Variants in LSM3 observed in about 807,000 individuals in gnomAD.
LSM3 encodes the protein U6 snRNA-associated Sm-like protein LSm3.
In LSM3, 14 loss-of-function variants were observed where a neutral mutation model predicts 15.4. The observed-to-expected ratio is 0.91, with a 90% CI of 0.60 to 1.42. The LOEUF is 1.42. Among genes scored for constraint, LSM3 ranks in the 40% most tolerant of loss-of-function variants. The pLI is 0.00. For missense variants in LSM3, 88 were observed against 127.9 expected (o/e 0.69, Z 1.50); for synonymous variants, 46 against 45.1 (o/e 1.02, Z -0.08).
intron 3 of LSM3, among the ~76,000 whole-genome samples, chr3:14,190,874 AG>A (rs1415873566): frequency 2.0e-5 from 3 of 152,160 alleles, no homozygotes; most frequent in African/African-American, 7.2e-5. Flanking sequence ...CGGTTTTCAG[AG>A]GGAATGTTTC....
rs1696966256 is a variant in LSM3 at position 14,178,828 on chromosome 3, G to A, written c.-33G>A. ...AGATTGACGTTGCTCTTGTGTTCTC[G>A]CGAGAGGCGGGAAAGGGCGCAGGGT... On this transcript the variant is annotated 5_prime_UTR_variant, in exon 1 of 4. Coordinates refer to ENST00000306024, the MANE Select transcript of LSM3 (RefSeq NM_014463.3). 6.2e-7 allele frequency: 1 copy of A among 1,614,020 alleles called. No individual in the cohort carries two copies. Among genetic ancestry groups the A allele is most frequent in the Non-Finnish European group, 8.5e-7 (1 of 1,179,972 alleles).
intron 3 of LSM3, among the ~76,000 whole-genome samples, chr3:14,184,947 C>T (rs1320031858): frequency 6.6e-6 from 1 of 151,966 alleles, no homozygotes; most frequent in African/African-American, 2.4e-5. Flanking sequence ...ATCCCAGCTA[C>T]TTGGGAGGCT....
intron 3 of LSM3, among the ~76,000 whole-genome samples, chr3:14,196,860 A>G (rs1463324573): frequency 6.6e-6 from 1 of 152,216 alleles, no homozygotes; most frequent in African/African-American, 2.4e-5. Context: ...AACTTAGAAC[A>G]TAGGTTTCTG....
Position 14,178,858 on chromosome 3 carries a change from A to T in LSM3, c.-3A>T. ...AGGCGGGAAAGGGCGCAGGGTTTGA[A>T]ACATGGCGGACGACGTAGACCAGGT... On this transcript the variant is annotated 5_prime_UTR_variant, in exon 1 of 4. Coordinates refer to ENST00000306024, the MANE Select transcript of LSM3 (RefSeq NM_014463.3). The T allele has an allele frequency of 6.2e-7, 1 of 1,614,238 alleles. No homozygotes were observed.
At chr3:14,186,427 A>C (rs988047680) in intron 3 of LSM3, among the ~76,000 whole-genome samples, 10 of 152,242 alleles carry the variant, frequency 6.6e-5, no homozygotes, top group Non-Finnish European at 1.5e-4. Context: ...ATTGAGGGCT[A>C]CATGAAAAGC....
rs75033144 is a variant in LSM3 at position 14,186,969 on chromosome 3, A to G, written c.228+2937A>G. 6.7e-4 allele frequency among the ~76,000 whole-genome samples: 102 copies of G among 152,386 alleles called. 1 individual carries two copies. The East Asian group carries it at 0.015, about 23-fold the overall frequency. On this transcript the variant is annotated intron_variant, in intron 3 of 3. Coordinates refer to ENST00000306024, the MANE Select transcript of LSM3 (RefSeq NM_014463.3). ...GCTTTATTCATGTAACATCATTAAC[A>G]TAAGAATTTTACCATGAGAGTAGAC...
At chr3:14,178,979 A>C in intron 1 of LSM3, 98 bp downstream of exon 1, 1 of 1,329,526 alleles carries the variant, frequency 7.5e-7, no homozygotes, top group Non-Finnish European at 1.1e-6. Context: ...CCTCTCTCCA[A>C]GTCACCATGG....
chr3:14,184,088 C>A, intron 3 of LSM3, 56 bp downstream of exon 3: 1 of 1,529,112 alleles, frequency 6.5e-7, no homozygotes, highest in Non-Finnish European at 8.8e-7. Context: ...CTCTCTCGAA[C>A]AGCTTAACCC....
chr3:14,184,764 A>C (rs1336387422), intron 3 of LSM3, among the ~76,000 whole-genome samples: 1 of 151,862 alleles, frequency 6.6e-6, no homozygotes, highest in African/African-American at 2.4e-5. Flanking sequence ...CTCAAAAAAA[A>C]AAAAAACCTG....
chr3:14,186,331 C>A (rs1697089207), intron 3 of LSM3, among the ~76,000 whole-genome samples: 1 of 152,258 alleles, frequency 6.6e-6, no homozygotes, highest in African/African-American at 2.4e-5. Context: ...ATTGAGCCAG[C>A]TCACCTAACC....
intron 3 of LSM3, among the ~76,000 whole-genome samples, chr3:14,191,980 G>A (rs1697144140): frequency 1.3e-5 from 2 of 152,108 alleles, no homozygotes; most frequent in Admixed American, 6.5e-5. Flanking sequence ...GGTACGTTGT[G>A]TCTTCATTCT....
At chr3:14,190,880 T>C (rs1189499727) in intron 3 of LSM3, among the ~76,000 whole-genome samples, 4 of 152,180 alleles carry the variant, frequency 2.6e-5, no homozygotes, top group Admixed American at 2.6e-4. Flanking sequence ...TCAGAGGGAA[T>C]GTTTCCAGGT....
intron 3 of LSM3, among the ~76,000 whole-genome samples, chr3:14,193,162 G>T (rs1218865391): frequency 6.6e-6 from 1 of 152,166 alleles, no homozygotes; most frequent in Non-Finnish European, 1.5e-5. Context: ...ACTCTGATGG[G>T]CTTCCCTTTG....
chr3:14,181,719 C>A (rs775708079), intron 2 of LSM3, 49 bp downstream of exon 2: 4 of 1,325,086 alleles, frequency 3.0e-6, no homozygotes, highest in Non-Finnish European at 4.4e-6. Context: ...TTCCTACCCC[C>A]ACTCCCTTGA....
At position 14,198,176 on chromosome 3, in the gene LSM3, T is replaced by C. The variant is rs1697203486; in HGVS notation, c.*60T>C. The stretch of plus-strand genomic sequence containing the variant: ...CTTTGTACAGTGGCCTCTCTAAAAG[T>C]ACAAAACATTCATAAGAGAAACCTG... On this transcript the variant is annotated 3_prime_UTR_variant, in exon 4 of 4. Coordinates refer to ENST00000306024, the MANE Select transcript of LSM3 (RefSeq NM_014463.3). 4 of 1,226,334 alleles carry C rather than the reference T, an allele frequency of 3.3e-6. No individual in the cohort carries two copies. The highest frequency in any genetic ancestry group is 4.8e-6 in the Non-Finnish European group (4 of 833,832). 76.0% of individuals were successfully genotyped at this position (1,226,334 alleles called of 1,614,324 possible).
chr3:14,192,659 G>T (rs904592481), intron 3 of LSM3, among the ~76,000 whole-genome samples: 2 of 152,096 alleles, frequency 1.3e-5, no homozygotes, highest in Non-Finnish European at 2.9e-5. Flanking sequence ...TTTATTTTGT[G>T]CCTATGTGTG....
chr3:14,194,435 T>A (rs1474897478), intron 3 of LSM3, among the ~76,000 whole-genome samples: 1 of 152,218 alleles, frequency 6.6e-6, no homozygotes, highest in African/African-American at 2.4e-5. Flanking sequence ...TGTGGGAGTA[T>A]ACCTGCAGAA....
At position 14,198,234 on chromosome 3, in the gene LSM3, G is replaced by C; in HGVS notation, c.*118G>C. 1 of 745,124 alleles carries C rather than the reference G, an allele frequency of 1.3e-6. No homozygotes were observed. The allele number at this position is 745,124 out of a possible 1,614,324, so 46.2% of individuals were successfully genotyped here. A position where few individuals can be genotyped will look rare whatever the true frequency, so the allele number is the denominator to read the frequency against. On this transcript the variant is annotated 3_prime_UTR_variant, in exon 4 of 4. Transcript: ENST00000306024. The stretch of plus-strand genomic sequence containing the variant: ...TTTGATATTAAGAAATAATTCCGGG[G>C]ATTCTTCCACTCCTGAAATGAGTTG...
At chr3:14,196,200 A>G (rs1574991094) in intron 3 of LSM3, among the ~76,000 whole-genome samples, 2 of 151,712 alleles carry the variant, frequency 1.3e-5, no homozygotes, top group South Asian at 4.2e-4. Context: ...CTCATGATCC[A>G]CCTGCCTCAT....
Sources: gnomAD v4.1 joint callset for allele counts (sites outside exome capture counted in the v4.1 genomes callset) on GRCh38, gnomAD v4.1.1 for gene constraint, MANE v1.5 for transcripts, NCBI Gene and HGNC (gene_info 2026-07-23, HGNC 2026-07-21) for gene names.